Variants in DOCK8 observed in about 807,000 individuals in gnomAD.
The protein encoded by DOCK8 is dedicator of cytokinesis 8.
Under a neutral mutation model 245.6 loss-of-function variants are expected in DOCK8, and 141 were observed. That is an observed-to-expected ratio of 0.57 (90% CI 0.50 to 0.66). DOCK8 has a LOEUF of 0.66. Among genes scored for constraint, DOCK8 ranks in the 30% least tolerant of loss-of-function variants. DOCK8 has a pLI of 0.00. For synonymous variants in DOCK8, 1,168 were observed against 970.2 expected (o/e 1.20, Z -3.79); for missense variants, 2,965 against 2,603.4 (o/e 1.14, Z -3.02).
At chr9:303,810 AATAAAAG>A (rs1323647200) in intron 4 of DOCK8, among the ~76,000 whole-genome samples, 1 of 152,210 alleles carries the variant, frequency 6.6e-6, no homozygotes, top group Non-Finnish European at 1.5e-5. Context: ...GTTGGAAAAA[AATAAAAG>A]ATAAGATATC....
At chr9:417,582 G>T (rs1018378532) in intron 29 of DOCK8, among the ~76,000 whole-genome samples, 2 of 152,116 alleles carry the variant, frequency 1.3e-5, no homozygotes, top group African/African-American at 4.8e-5. Context: ...CATACATCTA[G>T]ACCTATCTAT....
chr9:446,908 A>G (rs1239944856), intron 44 of DOCK8, among the ~76,000 whole-genome samples: 3 of 151,684 alleles, frequency 2.0e-5, no homozygotes, highest in Non-Finnish European at 2.9e-5. Flanking sequence ...CTTGTACAAC[A>G]GATATATTTA....
chr9:273,166 A>C, intron 2 of DOCK8: 7 of 906,540 alleles, frequency 7.7e-6, no homozygotes, highest in Non-Finnish European at 8.9e-6. Flanking sequence ...GTCATTAATG[A>C]AATAGTAGTA....
Position 451,969 on chromosome 9 carries a change from ATATATATATTTTTTTTTTT to A in DOCK8, c.5962-40_5962-22del, listed in dbSNP as rs768883462. On this transcript the variant is annotated intron_variant, in intron 45 of 47. Coordinates refer to ENST00000432829, the MANE Select transcript of DOCK8 (RefSeq NM_203447.4). The stretch of plus-strand genomic sequence containing the variant: ...TGTGTGTGTGTGTATATATATATAT[ATATATATATTTTTTTTTTT>A]TTTTTTTTTTTTTTCCCACCAGGGA... The A allele has an allele frequency of 6.0e-4, 238 of 397,154 alleles. 1 individual carries two copies. The African/African-American group carries it at 9.5e-3, about 16-fold the overall frequency. 24.6% of individuals were successfully genotyped at this position (397,154 alleles called of 1,614,324 possible). A position where few individuals can be genotyped will look rare whatever the true frequency, so the allele number is the denominator to read the frequency against.
intron 2 of DOCK8, among the ~76,000 whole-genome samples, chr9:277,655 CATATTT>C (rs1433037732): frequency 6.6e-6 from 1 of 151,772 alleles, no homozygotes; most frequent in Non-Finnish European, 1.5e-5. Context: ...CCTTAAGCTA[CATATTT>C]TATGGAGGGA....
At chr9:302,464 C>G (rs2049597307) in intron 4 of DOCK8, among the ~76,000 whole-genome samples, 1 of 152,100 alleles carries the variant, frequency 6.6e-6, no homozygotes, top group South Asian at 2.1e-4. Flanking sequence ...AATAAGTCCC[C>G]AAAAGCAATG....
At chr9:421,759 A>G (rs1260337336) in intron 32 of DOCK8, among the ~76,000 whole-genome samples, 1 of 152,152 alleles carries the variant, frequency 6.6e-6, no homozygotes, top group Non-Finnish European at 1.5e-5. Flanking sequence ...TTTCATACCC[A>G]ATAATTCAGT....
At chr9:339,983 C>A (rs1179114525) in intron 13 of DOCK8, among the ~76,000 whole-genome samples, 176 bp from the exon 14 acceptor site, 1 of 152,236 alleles carries the variant, frequency 6.6e-6, no homozygotes, top group East Asian at 1.9e-4. Context: ...GAGGCTAAAT[C>A]TCGAAAGTTA....
At chr9:255,407 C>T (rs953248180) in intron 1 of DOCK8, among the ~76,000 whole-genome samples, 11 of 152,124 alleles carry the variant, frequency 7.2e-5, no homozygotes, top group Non-Finnish European at 1.5e-4. Context: ...GTGGCTCATG[C>T]CTGTAATCCC....
chr9:350,463 G>C (rs2052107963), intron 14 of DOCK8, among the ~76,000 whole-genome samples: 4 of 152,148 alleles, frequency 2.6e-5, no homozygotes, highest in Admixed American at 2.6e-4. Context: ...TGCTGAACTA[G>C]ATTCTGCCAA....
At position 464,514 on chromosome 9, in the gene DOCK8, T is replaced by TC; in HGVS notation, c.*295_*296insC. On this transcript the variant is annotated 3_prime_UTR_variant, in exon 48 of 48. Coordinates refer to ENST00000432829, the MANE Select transcript of DOCK8 (RefSeq NM_203447.4). ...CAAACAAGGCATAAGCAGCTTCTCC[T>TC]GCTGACTGGCCAATCACTGCCCATC... The TC allele has an allele frequency of 2.1e-6, 1 of 484,682 alleles. No individual in the cohort carries two copies. The highest frequency in any genetic ancestry group is 1.9e-5 in the African/African-American group (1 of 51,536). 30.0% of individuals were successfully genotyped at this position (484,682 alleles called of 1,614,324 possible). A position where few individuals can be genotyped will look rare whatever the true frequency, so the allele number is the denominator to read the frequency against.
intron 36 of DOCK8, among the ~76,000 whole-genome samples, chr9:430,395 A>G (rs2056664700): frequency 6.6e-6 from 1 of 151,694 alleles, no homozygotes; most frequent in Non-Finnish European, 1.5e-5. Flanking sequence ...ATAATAAAAT[A>G]AAATAACCAG....
rs773422137 is a variant in DOCK8 at position 421,013 on chromosome 9, G to A, written c.4088G>A (p.Arg1363Gln). The A allele has an allele frequency of 8.7e-6, 14 of 1,614,074 alleles. No individual in the cohort carries two copies. The highest frequency in any genetic ancestry group is 8.0e-5 in the African/African-American group (6 of 74,922). Residue 1363 changes from arginine (R) to glutamine (Q), a missense_variant, in exon 32 of 48, where the codon CGG becomes CAG. Physicochemically the swap from Arg to Gln is conservative, Grantham distance 43. This residue lies in a region of DOCK8 where 2,825 missense variants were observed against 2,453.5 expected (regional missense o/e 1.15). Coordinates refer to ENST00000432829, the MANE Select transcript of DOCK8 (RefSeq NM_203447.4). The part of the protein sequence containing the change: ...VLQKSRDVKA[R>Q]LEEALLRGEG... Reference sequence around the variant, plus strand: ...CAGAAGTCAAGGGATGTCAAGGCCCGGCTGGAAGAGGCTTTGCTCCGTGGG... The same window carrying A: ...CAGAAGTCAAGGGATGTCAAGGCCCAGCTGGAAGAGGCTTTGCTCCGTGGG...
chr9:463,988 C>T (rs1342316935), intron 47 of DOCK8, among the ~76,000 whole-genome samples, 171 bp from the exon 48 acceptor site: 1 of 152,176 alleles, frequency 6.6e-6, no homozygotes, highest in East Asian at 1.9e-4. Flanking sequence ...TTTGTTTTGG[C>T]ACAGTGTGAA....
chr9:407,575 T>C (rs4740745), intron 28 of DOCK8, among the ~76,000 whole-genome samples: 39,971 of 152,026 alleles, frequency 0.26, 6,100 homozygotes, highest in East Asian at 0.54. Flanking sequence ...TTTTACCTCT[T>C]ATCTATCTGA....
chr9:212,696 C>T (rs910958851), upstream of DOCK8: 1 of 152,170 alleles, frequency 6.6e-6, no homozygotes, highest in Admixed American at 6.5e-5. Context: ...TAATGCTGGC[C>T]TAACCTTCAT....
intron 14 of DOCK8, among the ~76,000 whole-genome samples, chr9:344,957 C>T (rs779196901): frequency 2.6e-5 from 4 of 152,010 alleles, no homozygotes; most frequent in Admixed American, 1.3e-4. Flanking sequence ...GAGGCTGAGG[C>T]GGGAGAATCG....
At chr9:344,313 C>G (rs952915811) in intron 14 of DOCK8, among the ~76,000 whole-genome samples, 2 of 152,170 alleles carry the variant, frequency 1.3e-5, no homozygotes, top group African/African-American at 4.8e-5. Context: ...AATCTTACTT[C>G]ATGAAAATTT....
intron 1 of DOCK8, among the ~76,000 whole-genome samples, chr9:255,724 T>A (rs2129686520): frequency 6.6e-6 from 1 of 151,082 alleles, no homozygotes; most frequent in Middle Eastern, 3.4e-3. Context: ...TACATAACTT[T>A]ACCATACATG....
Sources: gnomAD v4.1 joint callset for allele counts (sites outside exome capture counted in the v4.1 genomes callset) on GRCh38, gnomAD v4.1.1 for gene constraint, gnomAD v4.1.1 regional missense constraint, MANE v1.5 for transcripts, NCBI Gene and HGNC (gene_info 2026-07-23, HGNC 2026-07-21) for gene names.